Variants in SLC45A3 observed in about 807,000 individuals in gnomAD.
SLC45A3 encodes prostate cancer associated protein 2.
In SLC45A3, 17 loss-of-function variants were observed where a neutral mutation model predicts 35.3. The observed-to-expected ratio is 0.48, with a 90% CI of 0.33 to 0.72. The LOEUF is 0.72. Among genes scored for constraint, SLC45A3 ranks in the 30% least tolerant of loss-of-function variants. The pLI, the probability that SLC45A3 is intolerant of heterozygous loss-of-function variation, is 0.02. For missense variants in SLC45A3, 597 were observed against 731.7 expected (o/e 0.82, Z 2.12); for synonymous variants, 288 against 334.3 (o/e 0.86, Z 1.51).
Position 205,664,823 on chromosome 1 carries a change from A to C in SLC45A3, c.-167T>G. ...CCCTTTGGTGCCGGTCCAGCTTCTC[A>C]GCCCATGCTCAACACCTGCTGCTGT... On this transcript the variant is annotated 5_prime_UTR_variant, in exon 2 of 5. It removes the in-frame stop codon of an upstream open reading frame in the 5' UTR. Coordinates refer to ENST00000367145, the MANE Select transcript of SLC45A3 (RefSeq NM_033102.3). The surrounding 1 kb of genome is among the most constrained non-coding windows in gnomAD (Gnocchi z 5.3). The C allele has an allele frequency of 7.0e-7, 1 of 1,432,136 alleles. No homozygotes were observed. Among genetic ancestry groups the C allele is most frequent in the African/African-American group, 1.4e-5 (1 of 69,812 alleles). 88.7% of individuals were successfully genotyped at this position (1,432,136 alleles called of 1,614,324 possible). A position where few individuals can be genotyped will look rare whatever the true frequency, so the allele number is the denominator to read the frequency against.
At chr1:205,677,044 C>T (rs1652423437) in intron 1 of SLC45A3, among the ~76,000 whole-genome samples, 1 of 152,344 alleles carries the variant, frequency 6.6e-6, no homozygotes, top group African/African-American at 2.4e-5. Flanking sequence ...AACTTCAGGG[C>T]ACCCTCCCTA....
rs1671388381 is a variant in SLC45A3 at position 205,680,445 on chromosome 1, C to CGCCCCCCCTTCCTT, written c.-296_-283dup. On this transcript the variant is annotated 5_prime_UTR_variant, in exon 1 of 5. Coordinates refer to ENST00000367145, the MANE Select transcript of SLC45A3 (RefSeq NM_033102.3). ...GGAGCCAGCGCGTGCAGGCTGGTTC[C>CGCCCCCCCTTCCTT]GCCCCCCCTTCCTTGCCCCCCACGC... 1.3e-5 allele frequency: 2 copies of CGCCCCCCCTTCCTT among 152,728 alleles called. No individual in the cohort carries two copies. The highest frequency in any genetic ancestry group is 2.1e-4 in the South Asian group (1 of 4,848). 9.5% of individuals were successfully genotyped at this position (152,728 alleles called of 1,614,324 possible). A position where few individuals can be genotyped will look rare whatever the true frequency, so the allele number is the denominator to read the frequency against.
Position 205,662,786 on chromosome 1 carries a change from T to C in SLC45A3, c.958+47A>G. 6.6e-7 allele frequency: 1 copy of C among 1,518,394 alleles called. No homozygotes were observed. Among genetic ancestry groups the C allele is most frequent in the Non-Finnish European group, 8.8e-7 (1 of 1,131,878 alleles). 94.1% of individuals were successfully genotyped at this position (1,518,394 alleles called of 1,614,324 possible). Reference sequence around the variant, plus strand: ...CAGACACAGCCCCGAGTGTCGTCTCTGGTGGGCGGCTCCCACACCAGCCTC... The same window carrying C: ...CAGACACAGCCCCGAGTGTCGTCTCCGGTGGGCGGCTCCCACACCAGCCTC... On this transcript the variant is annotated intron_variant, in intron 3 of 4. Transcript: ENST00000367145. This position sits in a 1 kb window ranked among gnomAD's most constrained non-coding sequence, Gnocchi z 6.2.
At position 205,658,474 on chromosome 1, in the gene SLC45A3, A is replaced by C. The variant is rs995192576; in HGVS notation, c.*760T>G. Reference sequence around the variant, plus strand: ...GCCCAATGACCAGCTATCTCAGGGGACCTGATTGTTGGGGATCCCCCACCC... The same window carrying C: ...GCCCAATGACCAGCTATCTCAGGGGCCCTGATTGTTGGGGATCCCCCACCC... On this transcript the variant is annotated 3_prime_UTR_variant, in exon 5 of 5. Coordinates refer to ENST00000367145, the MANE Select transcript of SLC45A3 (RefSeq NM_033102.3). The C allele has an allele frequency of 4.3e-6, 1 of 233,084 alleles. No individual in the cohort carries two copies. Among genetic ancestry groups the C allele is most frequent in the African/African-American group, 2.2e-5 (1 of 45,346 alleles). 14.4% of individuals were successfully genotyped at this position (233,084 alleles called of 1,614,324 possible).
rs1285334824 is a variant in SLC45A3 at position 205,666,488 on chromosome 1, CAG to C, written c.-230-1604_-230-1603del. Reference sequence around the variant, plus strand: ...GGACCACTGCCTCCAGTCTGGGTGACAGAGGGAGACACTGCCTAAAAAAACAT... The same window carrying C: ...GGACCACTGCCTCCAGTCTGGGTGACAGGGAGACACTGCCTAAAAAAACAT... On this transcript the variant is annotated intron_variant, in intron 1 of 4. Coordinates refer to ENST00000367145, the MANE Select transcript of SLC45A3 (RefSeq NM_033102.3). The surrounding 1 kb of genome is among the most constrained non-coding windows in gnomAD (Gnocchi z 4.1). 6.6e-6 allele frequency among the ~76,000 whole-genome samples: 1 copy of C among 152,176 alleles called. No individual in the cohort carries two copies. The highest frequency in any genetic ancestry group is 1.9e-4 in the East Asian group (1 of 5,194).
At position 205,666,589 on chromosome 1, in the gene SLC45A3, A is replaced by G. The variant is rs1671121047; in HGVS notation, c.-230-1703T>C. Among the ~76,000 whole-genome samples, 1 of 152,226 alleles carries G rather than the reference A, an allele frequency of 6.6e-6. No homozygotes were observed. On this transcript the variant is annotated intron_variant, in intron 1 of 4. Coordinates refer to ENST00000367145, the MANE Select transcript of SLC45A3 (RefSeq NM_033102.3). The surrounding 1 kb of genome is among the most constrained non-coding windows in gnomAD (Gnocchi z 4.1). ...TCAGGGGCTTTGCAGCTGGCAGATC[A>G]TGAAGGAAGGGAATTGAGATAAGGC...
intron 1 of SLC45A3, among the ~76,000 whole-genome samples, chr1:205,670,059 T>C (rs1054795934): frequency 7.0e-6 from 1 of 142,586 alleles, no homozygotes; most frequent in Admixed American, 7.0e-5. Context: ...GGACCAATGC[T>C]GTCACCTTAC....
chr1:205,662,905 C>A lies in SLC45A3; in HGVS notation c.886G>T (p.Val296Leu), dbSNP rs150262445. 8 of 1,613,074 alleles carry A rather than the reference C, an allele frequency of 5.0e-6. No homozygotes were observed. The highest frequency in any genetic ancestry group is 6.8e-6 in the Non-Finnish European group (8 of 1,179,868). ...ACGCCCTGGTACAGCCCCTCGCCCA[C>A]GAAATCCGTGTAAAACAGCGTGAAG... ...MTFTLFYTDF[V>L]GEGLYQGVPR... Residue 296 changes from valine (V) to leucine (L), a missense_variant, in exon 3 of 5, where the codon GTG becomes TTG. Physicochemically the swap from Val to Leu is conservative, Grantham distance 32 (BLOSUM62 1). This residue lies in a region of SLC45A3 where 555 missense variants were observed against 664.9 expected (regional missense o/e 0.83). Transcript: ENST00000367145. The surrounding 1 kb of genome is among the most constrained non-coding windows in gnomAD (Gnocchi z 6.2).
At chr1:205,680,157 C>A (rs1671381529) in intron 1 of SLC45A3, among the ~76,000 whole-genome samples, 1 of 151,714 alleles carries the variant, frequency 6.6e-6, no homozygotes, top group East Asian at 2.0e-4. Flanking sequence ...GAAAGCACAG[C>A]TCAGCGGGGA....
chr1:205,662,743 GA>G lies in SLC45A3; in HGVS notation c.958+89del, dbSNP rs1433107160. On this transcript the variant is annotated intron_variant, in intron 3 of 4. Transcript: ENST00000367145. The surrounding 1 kb of genome is among the most constrained non-coding windows in gnomAD (Gnocchi z 6.2). ...TTCCTGACAGAGAAGTCGGGGCCAG[GA>G]TGGAGAGGCACCAGCCCAGACACAG... The G allele has an allele frequency of 4.0e-6, 6 of 1,498,744 alleles. No homozygotes were observed. The East Asian group carries it at 1.4e-4, about 34-fold the overall frequency. 92.8% of individuals were successfully genotyped at this position (1,498,744 alleles called of 1,614,324 possible).
At chr1:205,668,225 C>T (rs1671149771) in intron 1 of SLC45A3, among the ~76,000 whole-genome samples, 2 of 152,100 alleles carry the variant, frequency 1.3e-5, no homozygotes, top group African/African-American at 2.4e-5. Context: ...TCCAGTGCCC[C>T]AGTCCCTGTC....
chr1:205,674,602 CAAAAAAA>C lies in SLC45A3; in HGVS notation c.-231+5785_-231+5791del, dbSNP rs57508315. Among the ~76,000 whole-genome samples the C allele has an allele frequency of 1.1e-3, 103 of 95,460 alleles. 2 individuals are homozygous for C. The highest frequency in any genetic ancestry group is 8.9e-3 in the East Asian group (19 of 2,132). 62.6% of individuals were successfully genotyped at this position (95,460 alleles called of 152,430 possible). ...ATGCCATCCAAAATTGATGCTGTTT[CAAAAAAA>C]AAAAAAAAAAAAAAAAAAAGAGAAA... is the stretch of plus-strand genomic sequence containing the variant. On this transcript the variant is annotated intron_variant, in intron 1 of 4. Transcript: ENST00000367145.
intron 1 of SLC45A3, among the ~76,000 whole-genome samples, chr1:205,678,051 T>C (rs1262428633): frequency 6.6e-6 from 1 of 152,156 alleles, no homozygotes; most frequent in African/African-American, 2.4e-5. Flanking sequence ...GTGCGGTGGC[T>C]CACACCTGTA....
At chr1:205,679,389 A>T (rs1171256238) in intron 1 of SLC45A3, among the ~76,000 whole-genome samples, 1 of 152,090 alleles carries the variant, frequency 6.6e-6, no homozygotes, top group Non-Finnish European at 1.5e-5. Context: ...GCTGATTCAG[A>T]GGTCAAGGGC....
intron 4 of SLC45A3, among the ~76,000 whole-genome samples, chr1:205,661,243 A>G (rs1178065072): frequency 6.6e-6 from 1 of 152,174 alleles, no homozygotes; most frequent in East Asian, 1.9e-4. Flanking sequence ...ACAGTGCCCA[A>G]GTGAGTGGGT....
At chr1:205,668,257 C>T (rs1052327434) in intron 1 of SLC45A3, among the ~76,000 whole-genome samples, 2 of 152,218 alleles carry the variant, frequency 1.3e-5, no homozygotes, top group Admixed American at 1.3e-4. Flanking sequence ...CCTCCAGGGT[C>T]CTCGGGCTAA....
At chr1:205,675,244 A>G (rs1671292101) in intron 1 of SLC45A3, among the ~76,000 whole-genome samples, 1 of 152,246 alleles carries the variant, frequency 6.6e-6, no homozygotes, top group Admixed American at 6.5e-5. Context: ...GGCAGGTCAG[A>G]TCATTTCTTG....
At chr1:205,660,481 G>A (rs564847519) in intron 4 of SLC45A3, among the ~76,000 whole-genome samples, 3 of 152,134 alleles carry the variant, frequency 2.0e-5, no homozygotes, top group Non-Finnish European at 2.9e-5. Flanking sequence ...CTGCATTTGC[G>A]AGGTGGGAGC....
chr1:205,671,512 A>C (rs1337414747), intron 1 of SLC45A3, among the ~76,000 whole-genome samples: 6 of 152,072 alleles, frequency 3.9e-5, no homozygotes, highest in African/African-American at 1.4e-4. Context: ...ACTTATTATA[A>C]TTGCATGAGC....
Sources: allele counts gnomAD v4.1 joint callset (sites outside exome capture counted in the v4.1 genomes callset), GRCh38; gene constraint gnomAD v4.1.1; regional missense constraint gnomAD v4.1.1; non-coding constraint Gnocchi (gnomAD v3.1); transcripts MANE v1.5; gene names NCBI Gene and HGNC (gene_info 2026-07-23, HGNC 2026-07-21).